The following PRCP variants were observed in gnomAD, a reference collection of about 807,000 sequenced individuals.
The protein encoded by PRCP is prolylcarboxypeptidase, also known as lysosomal Pro-X carboxypeptidase.
A neutral mutation model predicts 54.2 loss-of-function variants in PRCP; 46 were observed. The ratio of observed to expected loss-of-function variants is 0.85; its 90% CI spans 0.67 to 1.09. The LOEUF (loss-of-function observed/expected upper bound fraction) is 1.09. Among genes scored for constraint, PRCP ranks in the 50% least tolerant of loss-of-function variants. The pLI, the probability that PRCP is intolerant of heterozygous loss-of-function variation, is 0.00. For missense variants in PRCP, 613 were observed against 596.8 expected (o/e 1.03, Z -0.28); for synonymous variants, 240 against 212.2 (o/e 1.13, Z -1.14).
rs181503809 is a variant in PRCP at position 82,832,413 on chromosome 11, G to C, written c.1274+5974C>G. On this transcript the variant is annotated intron_variant, in intron 8 of 8. Coordinates refer to ENST00000313010, the MANE Select transcript of PRCP (RefSeq NM_005040.4). Reference sequence around the variant, plus strand: ...TCGCCATTCTAACTGGCGTGAAATGGTGTCTCATTGTGGTTTTGAGTTGCA... The same window carrying C: ...TCGCCATTCTAACTGGCGTGAAATGCTGTCTCATTGTGGTTTTGAGTTGCA... 1.2e-4 allele frequency among the ~76,000 whole-genome samples: 19 copies of C among 152,280 alleles called. No homozygotes were observed. The East Asian group carries it at 3.5e-3, about 28-fold the overall frequency.
chr11:82,844,784 A>T (rs1472817203), intron 6 of PRCP, among the ~76,000 whole-genome samples: 19 of 151,740 alleles, frequency 1.3e-4, no homozygotes, highest in Admixed American at 1.2e-3. Context: ...AAAGAAAAAA[A>T]CACAAATGCA....
chr11:82,900,625 C>A, upstream of PRCP: 1 of 692,488 alleles, frequency 1.4e-6, no homozygotes, highest in South Asian at 1.5e-5. Context: ...ACTTTCCTCT[C>A]GTGCCATCTG....
chr11:82,896,483 C>T (rs1860122559), intron 1 of PRCP, among the ~76,000 whole-genome samples: 1 of 151,874 alleles, frequency 6.6e-6, no homozygotes. Flanking sequence ...CAAGACCAGC[C>T]TGGCCAACAT....
At chr11:82,878,806 A>C (rs1188254927) in intron 1 of PRCP, among the ~76,000 whole-genome samples, 2 of 152,174 alleles carry the variant, frequency 1.3e-5, no homozygotes, top group African/African-American at 4.8e-5. Flanking sequence ...TATGAAGTTT[A>C]GTTTGGCTGG....
upstream of PRCP, among the ~76,000 whole-genome samples, chr11:82,901,205 C>T (rs975343329): frequency 3.3e-5 from 5 of 152,174 alleles, no homozygotes; most frequent in African/African-American, 1.2e-4. Flanking sequence ...CACAACCCAT[C>T]CATTACACAG....
chr11:82,870,840 CA>C (rs1721892480), intron 1 of PRCP, among the ~76,000 whole-genome samples: 1 of 152,090 alleles, frequency 6.6e-6, no homozygotes, highest in Non-Finnish European at 1.5e-5. Context: ...TGTGAGAGGA[CA>C]GGGGGCAAGA....
chr11:82,825,142 GA>G lies in PRCP; in HGVS notation c.1275-21del. ...CCATTGCTGCAAGTGAAAAAAAGAA[GA>G]AAAAATAAAGTTGTTAGTTTTTCAT... On this transcript the variant is annotated intron_variant, in intron 8 of 8. Coordinates refer to ENST00000313010, the MANE Select transcript of PRCP (RefSeq NM_005040.4). The G allele has an allele frequency of 5.0e-6, 8 of 1,592,930 alleles. No individual in the cohort carries two copies. Among genetic ancestry groups the G allele is most frequent in the Non-Finnish European group, 6.8e-6 (8 of 1,168,054 alleles).
intron 1 of PRCP, among the ~76,000 whole-genome samples, chr11:82,864,840 T>G (rs77990149): frequency 6.6e-6 from 1 of 152,168 alleles, no homozygotes; most frequent in Non-Finnish European, 1.5e-5. Context: ...AAAGAGACCA[T>G]CCTTTAAATG....
intron 1 of PRCP, among the ~76,000 whole-genome samples, chr11:82,863,397 A>G (rs751081899): frequency 1.3e-5 from 2 of 152,194 alleles, no homozygotes; most frequent in Admixed American, 6.5e-5. Context: ...GAAACTCAAC[A>G]TGAGAAACCA....
chr11:82,839,350 C>T lies in PRCP; in HGVS notation c.997G>A (p.Val333Ile). Reference protein sequence around the residue: ...LLQNIFQALNVYYNYSGQVKC... With the variant: ...LLQNIFQALNIYYNYSGQVKC... ...ACCTGGCCCGAATAATTGTAATATA[C>T]ATTCAGAGCTTGGAAAATATTCTGC... The change falls in exon 7 of 9, where the codon GTA becomes ATA. Residue 333 changes from valine to isoleucine, a missense_variant. Transcript: ENST00000313010. 2 of 1,613,882 alleles carry T rather than the reference C, an allele frequency of 1.2e-6. No homozygotes were observed. Among genetic ancestry groups the T allele is most frequent in the Non-Finnish European group, 1.7e-6 (2 of 1,179,838 alleles).
chr11:82,899,666 C>T (rs1290539602), intron 1 of PRCP, among the ~76,000 whole-genome samples: 1 of 151,688 alleles, frequency 6.6e-6, no homozygotes, highest in Admixed American at 6.6e-5. Flanking sequence ...ACTCCTACAA[C>T]TCCTTTTACA....
intron 2 of PRCP, chr11:82,858,136 G>C (rs572578157): frequency 1.3e-5 from 2 of 152,330 alleles, no homozygotes; most frequent in East Asian, 1.9e-4. Flanking sequence ...TTTTTCAAAA[G>C]AGGTCAATGT....
intron 1 of PRCP, among the ~76,000 whole-genome samples, chr11:82,861,837 G>A (rs1320930444): frequency 2.0e-5 from 3 of 152,094 alleles, no homozygotes; most frequent in Admixed American, 6.5e-5. Context: ...ATCCTAGTTT[G>A]AACAAACAAG....
intron 6 of PRCP, among the ~76,000 whole-genome samples, chr11:82,847,880 G>A (rs752885510): frequency 1.2e-4 from 19 of 152,080 alleles, no homozygotes; most frequent in Non-Finnish European, 2.5e-4. Flanking sequence ...AGGGATGAGC[G>A]ACCATGCCAG....
At chr11:82,889,706 C>CAT (rs1333701062) in intron 1 of PRCP, among the ~76,000 whole-genome samples, 8 of 152,208 alleles carry the variant, frequency 5.3e-5, no homozygotes, top group Middle Eastern at 3.4e-3. Context: ...TGGATTAACA[C>CAT]ATAGACAGGA....
At chr11:82,848,461 G>GA (rs1344574402) in intron 6 of PRCP, among the ~76,000 whole-genome samples, 17 of 152,316 alleles carry the variant, frequency 1.1e-4, no homozygotes, top group African/African-American at 4.1e-4. Context: ...GATGGGGAAA[G>GA]AAAAGCACCT....
At chr11:82,856,954 T>C (rs578249972) in intron 2 of PRCP, among the ~76,000 whole-genome samples, 1 of 144,390 alleles carries the variant, frequency 6.9e-6, no homozygotes, top group African/African-American at 2.6e-5. Flanking sequence ...GAAAATGGCG[T>C]GAACCTGGGA....
At chr11:82,869,246 C>A (rs1312525783) in intron 1 of PRCP, among the ~76,000 whole-genome samples, 1 of 151,100 alleles carries the variant, frequency 6.6e-6, no homozygotes. Flanking sequence ...GTCCTAGCTA[C>A]TCAGGACGCT....
chr11:82,849,922 G>A lies in PRCP; in HGVS notation c.743C>T (p.Ser248Leu), dbSNP rs377237533. 7 of 1,496,320 alleles carry A rather than the reference G, an allele frequency of 4.7e-6. No homozygotes were observed. In the African/African-American group the frequency reaches 8.6e-5, roughly 18 times the overall value. The allele number at this position is 1,496,320 out of a possible 1,614,324, so 92.7% of individuals were successfully genotyped here. Residue 248 changes from serine (S) to leucine (L), a missense_variant, in exon 5 of 9, where the codon TCA becomes TTA. Ser to Leu is a moderately radical substitution (Grantham distance 145). Coordinates refer to ENST00000313010, the MANE Select transcript of PRCP (RefSeq NM_005040.4). ...HRSWDAINRL[S>L]NTGSGLQWLT... ...TCTTAATTAAAGCTTACCAGTATTT[G>A]AGAGTCGATTAATGGCATCCCAGGA...
Sources: allele counts gnomAD v4.1 joint callset (sites outside exome capture counted in the v4.1 genomes callset), GRCh38; gene constraint gnomAD v4.1.1; transcripts MANE v1.5; gene names NCBI Gene and HGNC (gene_info 2026-07-23, HGNC 2026-07-21).